The following PCDH15 variants were observed in gnomAD, a reference collection of about 807,000 sequenced individuals.
The protein encoded by PCDH15 is protocadherin related 15.
In PCDH15, 129 loss-of-function variants were observed where a neutral mutation model predicts 178.5. That is an observed-to-expected ratio of 0.72 (90% CI 0.63 to 0.84). PCDH15 has a LOEUF of 0.84. Ranked by LOEUF, PCDH15 falls within the 40% of genes least tolerant of loss-of-function variation. PCDH15 has a pLI of 0.00. For synonymous variants in PCDH15, 800 were observed against 732.0 expected, an observed-to-expected ratio of 1.09 and a Z score of -1.50; for missense variants, 2,230 against 2,099.9, an observed-to-expected ratio of 1.06 and a Z score of -1.21.
chr10:54,071,721 A>G (rs113324178), intron 17 of PCDH15, among the ~76,000 whole-genome samples: 2 of 152,134 alleles, frequency 1.3e-5, no homozygotes, highest in East Asian at 1.9e-4. Flanking sequence ...GAATATTTCA[A>G]TTTGTTCATT....
Position 53,807,048 on chromosome 10 carries a change from C to T in PCDH15, c.4754G>A (p.Cys1585Tyr), listed in dbSNP as rs1290443489. ...AGGATGGTGAAGACGGTTTCTCTGA[C>T]ATTCAGGAGCACTGTCTTCTCCAGT... Reference protein sequence around the residue: ...SSTGEDSAPECQRNRLHHPSI... With the variant: ...SSTGEDSAPEYQRNRLHHPSI... Residue 1585 changes from cysteine (C) to tyrosine (Y), a missense_variant, in exon 38 of 38, where the codon TGT becomes TAT. Physicochemically the swap from Cys to Tyr is radical, Grantham distance 194. Transcript: ENST00000644397. 6.2e-7 allele frequency: 1 copy of T among 1,613,434 alleles called. No individual in the cohort carries two copies. Among genetic ancestry groups the T allele is most frequent in the Non-Finnish European group, 8.5e-7 (1 of 1,179,726 alleles).
At chr10:54,149,231 T>C (rs1033907829) in intron 14 of PCDH15, among the ~76,000 whole-genome samples, 40 of 152,280 alleles carry the variant, frequency 2.6e-4, no homozygotes, top group Middle Eastern at 3.4e-3. Flanking sequence ...AATCTCAAAA[T>C]TGCTATGCTA....
intron 1 of PCDH15, among the ~76,000 whole-genome samples, chr10:55,284,418 T>G (rs562750876): frequency 3.7e-4 from 56 of 152,102 alleles, no homozygotes; most frequent in African/African-American, 1.3e-3. Flanking sequence ...ATTTGAAAAT[T>G]AAAAAAATAA....
chr10:54,837,864 T>C (rs1368594430), intron 3 of PCDH15, among the ~76,000 whole-genome samples: 1 of 152,110 alleles, frequency 6.6e-6, no homozygotes, highest in African/African-American at 2.4e-5. Context: ...ACTGTAGTCC[T>C]GGCTACAGAC....
chr10:53,870,905 A>T (rs2079794694), intron 26 of PCDH15, among the ~76,000 whole-genome samples: 1 of 152,200 alleles, frequency 6.6e-6, no homozygotes. Context: ...ATATGTGAAA[A>T]ATAAGTGAGA....
At chr10:54,739,349 C>T (rs1414895821) in intron 1 of PCDH15, among the ~76,000 whole-genome samples, 2 of 151,092 alleles carry the variant, frequency 1.3e-5, no homozygotes, top group African/African-American at 2.4e-5. Context: ...AACAAAAACC[C>T]GGGAATAAAT....
intron 2 of PCDH15, among the ~76,000 whole-genome samples, chr10:55,118,874 CTT>C (rs1837692536): frequency 6.6e-6 from 1 of 152,176 alleles, no homozygotes; most frequent in Non-Finnish European, 1.5e-5. Context: ...GGTGACGACA[CTT>C]ATAATTGACT....
In PCDH15 at chr10:53,809,844, TCTTCCTTC is replaced by T. The variant is rs879752574; in HGVS notation, c.4671+704_4671+711del. 9.2e-5 allele frequency among the ~76,000 whole-genome samples: 14 copies of T among 152,338 alleles called. No individual in the cohort carries two copies. The Middle Eastern group carries it at 0.017, about 186-fold the overall frequency. ...AAATAAAAAAGAAAGAATTATTGTC[TCTTCCTTC>T]CTTCCTTCTTCTGTCACTAGACTTA... On this transcript the variant is annotated intron_variant, in intron 37 of 37. Transcript: ENST00000644397.
intron 1 of PCDH15, among the ~76,000 whole-genome samples, chr10:55,260,753 C>A (rs1464060270): frequency 1.3e-5 from 2 of 152,136 alleles, no homozygotes; most frequent in African/African-American, 4.8e-5. Context: ...CAAGTTCATC[C>A]TACCTGTAGG....
chr10:55,503,999 A>C (rs1840710025), intron 2 of PCDH15, among the ~76,000 whole-genome samples: 2 of 151,504 alleles, frequency 1.3e-5, no homozygotes, highest in African/African-American at 2.4e-5. Flanking sequence ...ATGTAAAAGG[A>C]TCAGGGGACT....
rs555795227 is a variant in PCDH15, at chr10:54,537,064, T to G, written c.92-9187A>C. ...CCCAGGCTGGAGTGCAGTGGTGCGA[T>G]CTCAGCTCACTGCAAGCTCCGCCTC... On this transcript the variant is annotated intron_variant, in intron 2 of 37. Coordinates refer to ENST00000644397, the MANE Select transcript of PCDH15 (RefSeq NM_001384140.1). Among the ~76,000 whole-genome samples the G allele has an allele frequency of 9.0e-5, 13 of 144,184 alleles. No homozygotes were observed. The South Asian group carries it at 2.7e-3, about 30-fold the overall frequency. The allele number at this position is 144,184 out of a possible 152,430, so 94.6% of individuals were successfully genotyped here.
intron 2 of PCDH15, among the ~76,000 whole-genome samples, chr10:55,528,169 T>A (rs1377439451): frequency 1.3e-5 from 2 of 152,062 alleles, no homozygotes; most frequent in Non-Finnish European, 2.9e-5. Context: ...CTGGAGTGGC[T>A]GGGACTACAG....
intron 17 of PCDH15, among the ~76,000 whole-genome samples, chr10:54,071,149 C>A (rs1165433398): frequency 6.6e-6 from 1 of 152,054 alleles, no homozygotes; most frequent in Non-Finnish European, 1.5e-5. Context: ...TCACCAAGTC[C>A]TGTTAATTTG....
rs558648518 is a variant in PCDH15, at chr10:54,378,134, A to G, written c.318+648T>C. ...AAGACAGAGTCTTACTCTATTTGCC[A>G]GGCTGGACTCAAACTCCTGGGCTCA... On this transcript the variant is annotated intron_variant, in intron 4 of 37. Transcript: ENST00000644397. Among the ~76,000 whole-genome samples, 3 of 152,094 alleles carry G rather than the reference A, an allele frequency of 2.0e-5. No homozygotes were observed. In the East Asian group the frequency reaches 5.8e-4, roughly 30 times the overall value.
intron 2 of PCDH15, among the ~76,000 whole-genome samples, chr10:54,562,784 T>C (rs1296507081): frequency 6.6e-6 from 1 of 151,936 alleles, no homozygotes; most frequent in Non-Finnish European, 1.5e-5. Flanking sequence ...ACTCTTTATA[T>C]ATAGCACGGA....
chr10:54,984,134 C>T (rs959584889), intron 2 of PCDH15, among the ~76,000 whole-genome samples: 1 of 152,096 alleles, frequency 6.6e-6, no homozygotes, highest in African/African-American at 2.4e-5. Flanking sequence ...AGTATGGTGG[C>T]TTGGCATGCT....
At chr10:54,870,026 G>A (rs959137175) in intron 3 of PCDH15, among the ~76,000 whole-genome samples, 1 of 152,174 alleles carries the variant, frequency 6.6e-6, no homozygotes, top group Non-Finnish European at 1.5e-5. Flanking sequence ...TTTCCCCTGT[G>A]CAGTAACTCG....
At chr10:53,827,337 A>G (rs931280638) in intron 32 of PCDH15, 56 bp downstream of exon 32, 2 of 1,546,792 alleles carry the variant, frequency 1.3e-6, no homozygotes, top group African/African-American at 2.8e-5. Flanking sequence ...AATACTCACC[A>G]CACAGAATTC....
chr10:53,886,595 CTTTTTTTTTTTTTTTTTT>C (rs36171553), intron 26 of PCDH15, among the ~76,000 whole-genome samples: 1 of 72,786 alleles, frequency 1.4e-5, no homozygotes, highest in African/African-American at 6.0e-5. Context: ...ATGTATGCCT[CTTTTTTTTTTTTTTTTTT>C]TTTTTTTTGG....
Sources: gnomAD v4.1 joint callset for allele counts (sites outside exome capture counted in the v4.1 genomes callset) on GRCh38, gnomAD v4.1.1 for gene constraint, MANE v1.5 for transcripts, NCBI Gene and HGNC (gene_info 2026-07-23, HGNC 2026-07-21) for gene names.